Variants in GRID2 observed in about 807,000 individuals in gnomAD.
GRID2 encodes the protein glutamate receptor ionotropic, delta-2.
A neutral mutation model predicts 114.8 loss-of-function variants in GRID2; 33 were observed. The ratio of observed to expected loss-of-function variants is 0.29; its 90% CI spans 0.22 to 0.38. The LOEUF (loss-of-function observed/expected upper bound fraction) is 0.38. Ranked by LOEUF, GRID2 falls within the 10% of genes least tolerant of loss-of-function variation. The pLI is 1.00. For synonymous variants in GRID2, 505 were observed against 449.9 expected (o/e 1.12, Z -1.55); for missense variants, 1,184 against 1,257.7 (o/e 0.94, Z 0.89).
At chr4:92,603,740 G>T (rs559052681) in intron 2 of GRID2, among the ~76,000 whole-genome samples, 66 of 151,894 alleles carry the variant, frequency 4.3e-4, no homozygotes, top group African/African-American at 1.5e-3. Context: ...ACTACCATCA[G>T]AACAGAAAAC....
intron 2 of GRID2, among the ~76,000 whole-genome samples, chr4:92,917,630 T>C (rs1459057512): frequency 6.6e-6 from 1 of 152,134 alleles, no homozygotes; most frequent in African/African-American, 2.4e-5. Flanking sequence ...CTTTCCTCTT[T>C]CTTGTTTTTG....
At chr4:92,374,893 T>C (rs1443094244) in intron 1 of GRID2, among the ~76,000 whole-genome samples, 1 of 152,164 alleles carries the variant, frequency 6.6e-6, no homozygotes, top group Non-Finnish European at 1.5e-5. Flanking sequence ...GATCTGTGGT[T>C]ATCAATCTGA....
chr4:93,354,671 C>CGTGTGTGTGTGTGT (rs35452796), intron 8 of GRID2, among the ~76,000 whole-genome samples: 2 of 130,284 alleles, frequency 1.5e-5, no homozygotes, highest in Non-Finnish European at 3.3e-5. Context: ...GTGGCTCATC[C>CGTGTGTGTGTGTGT]GTGTGTGTGT....
At chr4:92,678,834 C>A (rs1013125881) in intron 2 of GRID2, among the ~76,000 whole-genome samples, 2 of 151,932 alleles carry the variant, frequency 1.3e-5, no homozygotes, top group Non-Finnish European at 2.9e-5. Context: ...CAATGCACTA[C>A]AAAGTGTGTA....
chr4:92,547,503 G>A (rs996414599), intron 1 of GRID2, among the ~76,000 whole-genome samples: 10 of 152,008 alleles, frequency 6.6e-5, no homozygotes, highest in African/African-American at 2.2e-4. Context: ...ACAAACAAAG[G>A]GAAGCTTAAT....
rs182389577 is a variant in GRID2 at position 93,354,660 on chromosome 4, G to T, written c.1246-40947G>T. On this transcript the variant is annotated intron_variant, in intron 8 of 15. Coordinates refer to ENST00000282020, the MANE Select transcript of GRID2 (RefSeq NM_001510.4). ...AAGTTCAGATTATTTACTCCCCTGG[G>T]GTGGCTCATCCGTGTGTGTGTGTGT... Among the ~76,000 whole-genome samples, 29 of 138,856 alleles carry T rather than the reference G, an allele frequency of 2.1e-4. 1 individual carries two copies. Among genetic ancestry groups the T allele is most frequent in the Non-Finnish European group, 4.3e-4 (28 of 65,218 alleles). 91.1% of individuals were successfully genotyped at this position (138,856 alleles called of 152,430 possible).
intron 2 of GRID2, among the ~76,000 whole-genome samples, chr4:92,879,032 C>A (rs1046564185): frequency 3.3e-5 from 5 of 152,100 alleles, no homozygotes; most frequent in Admixed American, 2.0e-4. Flanking sequence ...ATCTGGCTTT[C>A]TAGAGCTTTA....
chr4:93,771,279 T>G (rs1734084348), intron 15 of GRID2, among the ~76,000 whole-genome samples: 1 of 152,218 alleles, frequency 6.6e-6, no homozygotes, highest in Non-Finnish European at 1.5e-5. Flanking sequence ...AGATTTTACT[T>G]ATATTTTTGT....
chr4:92,920,941 G>A (rs978371160), intron 2 of GRID2, among the ~76,000 whole-genome samples: 2 of 152,152 alleles, frequency 1.3e-5, no homozygotes, highest in Non-Finnish European at 2.9e-5. Flanking sequence ...CCTGCAGAGT[G>A]TTTTCCAACT....
chr4:93,020,703 C>T (rs1485842855), intron 2 of GRID2, among the ~76,000 whole-genome samples: 3 of 151,818 alleles, frequency 2.0e-5, no homozygotes, highest in Non-Finnish European at 4.4e-5. Context: ...TCTTTATTAC[C>T]CAATGTCTAT....
intron 10 of GRID2, among the ~76,000 whole-genome samples, chr4:93,439,880 C>T (rs1721465924): frequency 6.6e-6 from 1 of 152,026 alleles, no homozygotes; most frequent in Non-Finnish European, 1.5e-5. Context: ...TCGAGCCTAT[C>T]TCTCTATGCC....
At chr4:93,670,060 C>A (rs1032148108) in intron 14 of GRID2, among the ~76,000 whole-genome samples, 1 of 152,036 alleles carries the variant, frequency 6.6e-6, no homozygotes, top group African/African-American at 2.4e-5. Flanking sequence ...TGTGTAGGAG[C>A]ATATAAAGTC....
At chr4:93,031,121 C>T (rs1468625730) in intron 2 of GRID2, among the ~76,000 whole-genome samples, 5 of 149,150 alleles carry the variant, frequency 3.4e-5, no homozygotes, top group Non-Finnish European at 5.9e-5. Context: ...ACTGCAGCCT[C>T]GGCAACCTCC....
chr4:93,599,096 C>G lies in GRID2; in HGVS notation c.2194-27173C>G, dbSNP rs184167367. Among the ~76,000 whole-genome samples the G allele has an allele frequency of 3.4e-3, 524 of 152,226 alleles. 2 individuals carry two copies. The highest frequency in any genetic ancestry group is 6.8e-3 in the Middle Eastern group (2 of 294). ...CAACTCGATTCTAGGATATTTAAAA[C>G]CAGGAAATGATACTGTCTCCTTTCA... is the stretch of plus-strand genomic sequence containing the variant. On this transcript the variant is annotated intron_variant, in intron 13 of 15. Coordinates refer to ENST00000282020, the MANE Select transcript of GRID2 (RefSeq NM_001510.4).
intron 1 of GRID2, among the ~76,000 whole-genome samples, chr4:92,375,880 CTAATA>C (rs1729331856): frequency 6.6e-6 from 1 of 151,958 alleles, no homozygotes; most frequent in African/African-American, 2.4e-5. Flanking sequence ...ACATACAAAA[CTAATA>C]TAAGCACATT....
At chr4:92,422,425 T>C (rs1460468557) in intron 1 of GRID2, among the ~76,000 whole-genome samples, 1 of 152,136 alleles carries the variant, frequency 6.6e-6, no homozygotes, top group Non-Finnish European at 1.5e-5. Context: ...TATTTTATTT[T>C]TGTGGGAGAC....
chr4:93,183,135 A>C (rs533334620), intron 4 of GRID2, among the ~76,000 whole-genome samples: 3 of 152,338 alleles, frequency 2.0e-5, no homozygotes, highest in Admixed American at 2.0e-4. Context: ...CCTAAAATTT[A>C]GTTGCCTGAG....
chr4:93,327,776 T>C (rs913450680), intron 8 of GRID2, among the ~76,000 whole-genome samples: 1 of 152,006 alleles, frequency 6.6e-6, no homozygotes, highest in African/African-American at 2.4e-5. Context: ...AATTCCTTAA[T>C]GGGTACAATG....
chr4:93,076,223 T>C (rs1729281877), intron 2 of GRID2, among the ~76,000 whole-genome samples: 1 of 151,794 alleles, frequency 6.6e-6, no homozygotes, highest in African/African-American at 2.4e-5. Context: ...GCTGAAGAAA[T>C]AAGGTAATTA....
Sources: allele counts gnomAD v4.1 joint callset (sites outside exome capture counted in the v4.1 genomes callset), GRCh38; gene constraint gnomAD v4.1.1; transcripts MANE v1.5; gene names NCBI Gene and HGNC (gene_info 2026-07-23, HGNC 2026-07-21).